SLC22A6: variants seen among roughly 807,000 people sequenced by gnomAD.
SLC22A6 encodes the protein PAH transporter.
A neutral mutation model predicts 56.7 loss-of-function variants in SLC22A6; 45 were observed. The ratio of observed to expected loss-of-function variants is 0.79; its 90% CI spans 0.63 to 1.02. The LOEUF (loss-of-function observed/expected upper bound fraction) is 1.02, where lower values mean the gene tolerates loss of function less well. Ranked by LOEUF, SLC22A6 falls within the 50% of genes least tolerant of loss-of-function variation. SLC22A6 has a pLI of 0.00. For missense variants in SLC22A6, 606 were observed against 713.8 expected, an observed-to-expected ratio of 0.85 and a Z score of 1.72; for synonymous variants, 291 against 295.9, an observed-to-expected ratio of 0.98 and a Z score of 0.17.
chr11:62,979,900 G>A lies in SLC22A6; in HGVS notation c.1086C>T (p.Gly362=). 1 of 1,614,170 alleles carries A rather than the reference G, an allele frequency of 6.2e-7. No individual in the cohort carries two copies. The highest frequency in any genetic ancestry group is 8.5e-7 in the Non-Finnish European group (1 of 1,180,006). Residue 362 remains glycine (G), a synonymous_variant, in exon 7 of 10, where the codon GGC becomes GGT. Coordinates refer to ENST00000360421, the MANE Select transcript of SLC22A6 (RefSeq NM_153276.3). ...AYYGLVMDLQ[G]FGVSIYLIQV... ...GGATTAGGTAGATGCTGACTCCAAA[G>A]CCCTGCAGGTCCATGACCAGCCCAT...
At position 62,981,829 on chromosome 11, in the gene SLC22A6, A is replaced by G; in HGVS notation, c.797+13T>C. The G allele has an allele frequency of 1.9e-6, 3 of 1,601,158 alleles. No individual in the cohort carries two copies. Among genetic ancestry groups the G allele is most frequent in the Non-Finnish European group, 2.6e-6 (3 of 1,174,176 alleles). Reference sequence around the variant, plus strand: ...TCCTGTGGCAACCACCTCCAACCCTAGGCCCCACGCACCAGGAGTAGATGA... The same window carrying G: ...TCCTGTGGCAACCACCTCCAACCCTGGGCCCCACGCACCAGGAGTAGATGA... On this transcript the variant is annotated intron_variant, in intron 4 of 9. Transcript: ENST00000360421.
Position 62,976,689 on chromosome 11 carries a change from C to G in SLC22A6, c.*105G>C. 1 of 929,444 alleles carries G rather than the reference C, an allele frequency of 1.1e-6. No individual in the cohort carries two copies. The highest frequency in any genetic ancestry group is 1.6e-6 in the Non-Finnish European group (1 of 611,610). 57.6% of individuals were successfully genotyped at this position (929,444 alleles called of 1,614,324 possible). A position where few individuals can be genotyped will look rare whatever the true frequency, so the allele number is the denominator to read the frequency against. On this transcript the variant is annotated 3_prime_UTR_variant, in exon 10 of 10. Transcript: ENST00000360421. ...GAAGATGCTTTCCTGAACCACAACC[C>G]CCACACTTGGGTCACCATTTCCTCT...
chr11:62,981,406 G>A (rs778454347), intron 4 of SLC22A6, 23 bp from the exon 5 acceptor site: 15 of 1,334,016 alleles, frequency 1.1e-5, no homozygotes, highest in Non-Finnish European at 1.3e-5. Flanking sequence ...GTGGGGGTGG[G>A]TGTCAGCATG....
chr11:62,977,131 C>A (rs1205118189), intron 9 of SLC22A6, 53 bp downstream of exon 9: 1 of 1,613,532 alleles, frequency 6.2e-7, no homozygotes, highest in African/African-American at 1.3e-5. Flanking sequence ...ACCACCCCAC[C>A]CTGCATGTGT....
Position 62,980,003 on chromosome 11 carries a change from G to T in SLC22A6, c.1038-55C>A. On this transcript the variant is annotated intron_variant, in intron 6 of 9. Transcript: ENST00000360421. Reference sequence around the variant, plus strand: ...TTGTTAGGAAGGCTTAAAGTGGGGTGCTCTTTCAAAACAGTGGGGGAACTG... The same window carrying T: ...TTGTTAGGAAGGCTTAAAGTGGGGTTCTCTTTCAAAACAGTGGGGGAACTG... 7 of 1,322,924 alleles carry T rather than the reference G, an allele frequency of 5.3e-6. No homozygotes were observed. In the South Asian group the frequency reaches 6.0e-5, roughly 11 times the overall value. 81.9% of individuals were successfully genotyped at this position (1,322,924 alleles called of 1,614,324 possible).
chr11:62,983,837 C>A lies in SLC22A6; in HGVS notation c.473+107G>T. ...GTATGAGGCTGGTGCTGTAGATCCT[C>A]AAACCAGCGCCGGCTGGCAATGCCA... On this transcript the variant is annotated intron_variant, in intron 2 of 9. Transcript: ENST00000360421. The surrounding 1 kb of genome is among the most constrained non-coding windows in gnomAD (Gnocchi z 4.5). The A allele has an allele frequency of 8.4e-7, 1 of 1,184,264 alleles. No individual in the cohort carries two copies. Among genetic ancestry groups the A allele is most frequent in the South Asian group, 1.5e-5 (1 of 67,736 alleles). 73.4% of individuals were successfully genotyped at this position (1,184,264 alleles called of 1,614,324 possible). A position where few individuals can be genotyped will look rare whatever the true frequency, so the allele number is the denominator to read the frequency against.
At chr11:62,984,231 A>G (rs2086290081) in intron 1 of SLC22A6, 91 bp downstream of exon 1, 1 of 1,462,574 alleles carries the variant, frequency 6.8e-7, no homozygotes, top group African/African-American at 1.4e-5. Flanking sequence ...AAAACTCAGC[A>G]GTTAATTTCT....
intron 9 of SLC22A6, 144 bp from the exon 10 acceptor site, chr11:62,977,025 A>G (rs983629253): frequency 6.3e-5 from 96 of 1,523,048 alleles, no homozygotes; most frequent in Non-Finnish European, 7.7e-5. Flanking sequence ...TGGAGCTGGG[A>G]TCCCCAGGAA....
At position 62,983,563 on chromosome 11, in the gene SLC22A6, C is replaced by A; in HGVS notation, c.602G>T (p.Gly201Val). Residue 201 changes from glycine to valine, a missense_variant, in exon 3 of 10, where the codon GGC (glycine) becomes GTC (valine). By Grantham distance (109) the Gly-to-Val change is moderately radical. Transcript: ENST00000360421. The surrounding 1 kb of genome is among the most constrained non-coding windows in gnomAD (Gnocchi z 4.5). Reference sequence around the variant, plus strand: ...CAGTGTCATGCAGTTGAGGGAGATGCCAGCCAGAGCCATGCCCGAGAGGAG... The same window carrying A: ...CAGTGTCATGCAGTTGAGGGAGATGACAGCCAGAGCCATGCCCGAGAGGAG... Reference protein sequence around the residue: ...FRLLSGMALAGISLNCMTLNV... With the variant: ...FRLLSGMALAVISLNCMTLNV... 1 of 1,567,296 alleles carries A rather than the reference C, an allele frequency of 6.4e-7. No individual in the cohort carries two copies. Among genetic ancestry groups the A allele is most frequent in the Non-Finnish European group, 8.7e-7 (1 of 1,155,940 alleles).
chr11:62,976,946 G>C, intron 9 of SLC22A6, 65 bp from the exon 10 acceptor site: 1 of 1,572,686 alleles, frequency 6.4e-7, no homozygotes, highest in South Asian at 1.1e-5. Flanking sequence ...GGGATATGGA[G>C]GCTCCCAGGG....
At chr11:62,982,450 G>T (rs961001812) in intron 3 of SLC22A6, among the ~76,000 whole-genome samples, 1 of 152,116 alleles carries the variant, frequency 6.6e-6, no homozygotes, top group African/African-American at 2.4e-5. Context: ...CACCTCTCTG[G>T]TGTGGTCTGG....
chr11:62,984,168 G>A lies in SLC22A6; in HGVS notation c.370-121C>T, dbSNP rs144984775. ...CTCTTCCTCCGGCACTTTGCCCTTT[G>A]CCTCTCTGGTCCTGACAGCTGAGAG... On this transcript the variant is annotated intron_variant, in intron 1 of 9. Coordinates refer to ENST00000360421, the MANE Select transcript of SLC22A6 (RefSeq NM_153276.3). The A allele has an allele frequency of 2.0e-3, 2,428 of 1,219,316 alleles. 9 individuals carry two copies. The highest frequency in any genetic ancestry group is 2.5e-3 in the Non-Finnish European group (2,196 of 872,258). 75.5% of individuals were successfully genotyped at this position (1,219,316 alleles called of 1,614,324 possible).
Position 62,983,691 on chromosome 11 carries a change from C to G in SLC22A6, c.474G>C (p.Arg158Ser). The G allele has an allele frequency of 1.9e-6, 3 of 1,607,094 alleles. No homozygotes were observed. The highest frequency in any genetic ancestry group is 1.7e-6 in the Non-Finnish European group (2 of 1,176,818). The stretch of plus-strand genomic sequence containing the variant: ...AGATGAGTACCTTCCGGCGGCCTAG[C>G]CTGTGGGAGGAGGGGAGACTTGTAG... ...GAMVFGYLAD[R>S]LGRRKVLILN... The change falls in exon 3 of 10, where the codon AGG (arginine) becomes AGC (serine). Residue 158 changes from arginine to serine, a missense_variant and splice_region_variant. By Grantham distance (110) the Arg-to-Ser change is moderately radical. Transcript: ENST00000360421. This position sits in a 1 kb window ranked among gnomAD's most constrained non-coding sequence, Gnocchi z 4.5.
At chr11:62,978,395 T>A (rs1306519144) in intron 8 of SLC22A6, among the ~76,000 whole-genome samples, 1 of 151,344 alleles carries the variant, frequency 6.6e-6, no homozygotes, top group Non-Finnish European at 1.5e-5. Flanking sequence ...TTGCTGGGGC[T>A]GGAGTGCAGT....
chr11:62,981,150 T>A, intron 5 of SLC22A6, 50 bp from the exon 6 acceptor site: 3 of 1,605,768 alleles, frequency 1.9e-6, no homozygotes, highest in Non-Finnish European at 2.6e-6. Flanking sequence ...AAGGAGCTCC[T>A]CCCAGCCTAA....
In SLC22A6 at chr11:62,984,477, G is replaced by A; in HGVS notation, c.214C>T (p.Gln72Ter). 6.2e-7 allele frequency: 1 copy of A among 1,613,930 alleles called. No individual in the cohort carries two copies. Among genetic ancestry groups the A allele is most frequent in the Non-Finnish European group, 8.5e-7 (1 of 1,179,978 alleles). ...CGGAGGCAGGACTCAGGCTGCCCCT[G>A]CCTGTCCCGGGGCAGCCAGACCTCC... ...GLEVWLPRDRQGQPESCLRFT... is the reference protein window; with the variant it reads ...GLEVWLPRDR The change falls in exon 1 of 10, where the codon CAG (glutamine) becomes TAG (stop). Residue 72 changes from glutamine to a stop codon, truncating the protein, a stop_gained. Coordinates refer to ENST00000360421, the MANE Select transcript of SLC22A6 (RefSeq NM_153276.3). LOFTEE classifies it high-confidence loss of function.
intron 1 of SLC22A6, 70 bp from the exon 2 acceptor site, chr11:62,984,117 G>C: frequency 7.9e-7 from 1 of 1,267,232 alleles, no homozygotes. Context: ...CCCCACTTCA[G>C]CTGGTCCTCT....
At chr11:62,981,546 C>T (rs2086255723) in intron 4 of SLC22A6, among the ~76,000 whole-genome samples, 163 bp from the exon 5 acceptor site, 1 of 152,124 alleles carries the variant, frequency 6.6e-6, no homozygotes, top group Admixed American at 6.5e-5. Context: ...GAGGCAGTGC[C>T]CAGCTTGGTA....
Position 62,979,518 on chromosome 11 carries a change from T to A in SLC22A6, c.1331A>T (p.Tyr444Phe). 6.2e-7 allele frequency: 1 copy of A among 1,613,602 alleles called. No individual in the cohort carries two copies. The highest frequency in any genetic ancestry group is 8.5e-7 in the Non-Finnish European group (1 of 1,179,484). ...CATTGTGGGATACAGTTCCCCAGTA[T>A]ACAGGAAGATGCAGTTGAAGGAGGC... is the stretch of plus-strand genomic sequence containing the variant. The part of the protein sequence containing the change: ...LAASFNCIFL[Y>F]TGELYPTMIR... The change falls in exon 8 of 10, where the codon TAT (tyrosine) becomes TTT (phenylalanine). Residue 444 changes from tyrosine (Y) to phenylalanine (F), a missense_variant. Tyr to Phe is a conservative substitution (Grantham distance 22, BLOSUM62 3). Transcript: ENST00000360421.
Sources: gnomAD v4.1 joint callset for allele counts (sites outside exome capture counted in the v4.1 genomes callset) on GRCh38, gnomAD v4.1.1 for gene constraint, Gnocchi (gnomAD v3.1) non-coding constraint, MANE v1.5 for transcripts, NCBI Gene and HGNC (gene_info 2026-07-23, HGNC 2026-07-21) for gene names.